The following TF variants were observed in gnomAD, a reference collection of about 807,000 sequenced individuals.
TF encodes the protein transferrin.
In TF, 55 loss-of-function variants were observed where a neutral mutation model predicts 82.4. The observed-to-expected ratio is 0.67, with a 90% CI of 0.54 to 0.84. TF has a LOEUF of 0.84. Ranked by LOEUF, TF falls within the 40% of genes least tolerant of loss-of-function variation. TF has a pLI of 0.00. For synonymous variants in TF, 332 were observed against 332.6 expected (o/e 1.00, Z 0.02); for missense variants, 737 against 868.4 (o/e 0.85, Z 1.90).
the TF span, among the ~76,000 whole-genome samples, chr3:133,729,587 A>C: frequency 6.6e-6 from 1 of 152,082 alleles, no homozygotes; most frequent in Non-Finnish European, 1.5e-5. Context: ...CAGGAAAGAG[A>C]ACTCCCTGAC....
chr3:133,674,491 G>A, the TF span, among the ~76,000 whole-genome samples: 2 of 152,222 alleles, frequency 1.3e-5, no homozygotes, highest in East Asian at 1.9e-4. Context: ...GAGTGGCGAG[G>A]GCTATCAGCC....
rs528157099 is a variant in TF at position 133,782,610 on chromosome 3, C to G, written c.*3990C>G. On this transcript the variant is annotated 3_prime_UTR_variant, in exon 17 of 17. Transcript: ENST00000402696. ...CTCAAATACAGGTATACAGAGATAA[C>G]AAAACCTGAGGTGGAGGAGGGTGGA... 6.6e-6 allele frequency: 1 copy of G among 152,042 alleles called. No individual in the cohort carries two copies. Among genetic ancestry groups the G allele is most frequent in the African/African-American group, 2.4e-5 (1 of 41,454 alleles). The allele number at this position is 152,042 out of a possible 1,614,324, so 9.4% of individuals were successfully genotyped here.
chr3:133,710,721 TCTC>T, the TF span, among the ~76,000 whole-genome samples: 1 of 152,112 alleles, frequency 6.6e-6, no homozygotes, highest in Non-Finnish European at 1.5e-5. Flanking sequence ...AGTTATTACT[TCTC>T]CTTCTGGTGT....
chr3:133,746,472 G>T lies in TF; in HGVS notation c.32G>T (p.Cys11Phe). MRLAVGALLV[C>F]AVLGLCLAVP... ...CTCGCCGTGGGAGCCCTGCTGGTCT[G>T]CGCCGTCCTGGGTGAGTGCGGGCAC... The change falls in exon 1 of 17, where the codon TGC becomes TTC. Residue 11 changes from cysteine (C) to phenylalanine (F), a missense_variant. By Grantham distance (205) the Cys-to-Phe change is radical (BLOSUM62 -2). Coordinates refer to ENST00000402696, the MANE Select transcript of TF (RefSeq NM_001063.4). 6.3e-7 allele frequency: 1 copy of T among 1,599,510 alleles called. No individual in the cohort carries two copies. The highest frequency in any genetic ancestry group is 8.5e-7 in the Non-Finnish European group (1 of 1,177,146).
chr3:133,745,652 A>G (rs8177184), upstream of TF, among the ~76,000 whole-genome samples: 25,602 of 152,166 alleles, frequency 0.17, 2,280 homozygotes, highest in East Asian at 0.29. Context: ...TGCTAAGATG[A>G]CACTTTGTTC....
At chr3:133,678,696 T>G in the TF span, among the ~76,000 whole-genome samples, 1 of 152,238 alleles carries the variant, frequency 6.6e-6, no homozygotes, top group South Asian at 2.1e-4. Flanking sequence ...TTGCCCACTT[T>G]TTGATGGGGT....
intron 9 of TF, chr3:133,760,300 A>G (rs935741055): frequency 1.3e-5 from 2 of 152,474 alleles, no homozygotes; most frequent in Admixed American, 1.3e-4. Flanking sequence ...TTGAGCACTT[A>G]TGAATAACCA....
At chr3:133,672,186 T>C in the TF span, among the ~76,000 whole-genome samples, 1 of 152,190 alleles carries the variant, frequency 6.6e-6, no homozygotes, top group South Asian at 2.1e-4. Context: ...AATCTGGATA[T>C]TTCTCTAGCT....
At chr3:133,761,438 T>C (rs1224328728) in intron 9 of TF, 1 of 152,108 alleles carries the variant, frequency 6.6e-6, no homozygotes, top group African/African-American at 2.4e-5. Context: ...GGTAGGAGGA[T>C]TGCTTGAGCC....
At chr3:133,732,554 T>C in the TF span, among the ~76,000 whole-genome samples, 1 of 152,216 alleles carries the variant, frequency 6.6e-6, no homozygotes, top group Admixed American at 6.5e-5. Context: ...GTTTTATTCT[T>C]TTGCTGTTTG....
At chr3:133,680,591 G>A in the TF span, among the ~76,000 whole-genome samples, 1 of 150,642 alleles carries the variant, frequency 6.6e-6, no homozygotes, top group African/African-American at 2.4e-5. Context: ...TCTAAAAAAG[G>A]CCTTATCTTG....
the TF span, among the ~76,000 whole-genome samples, chr3:133,725,792 T>C: frequency 2.0e-5 from 3 of 152,040 alleles, no homozygotes; most frequent in South Asian, 2.1e-4. Context: ...TGGCTGTGGG[T>C]TTGTCATAGA....
At chr3:133,702,799 T>G in the TF span, among the ~76,000 whole-genome samples, 1 of 152,164 alleles carries the variant, frequency 6.6e-6, no homozygotes, top group African/African-American at 2.4e-5. Flanking sequence ...TTTTGTTTTG[T>G]TTAACTTGAG....
At chr3:133,709,876 C>A in the TF span, among the ~76,000 whole-genome samples, 1 of 152,200 alleles carries the variant, frequency 6.6e-6, no homozygotes, top group East Asian at 1.9e-4. Flanking sequence ...TACCTTGGCC[C>A]AAAGGGCAGA....
the TF span, among the ~76,000 whole-genome samples, chr3:133,709,358 A>G: frequency 6.6e-6 from 1 of 152,190 alleles, no homozygotes; most frequent in Non-Finnish European, 1.5e-5. Context: ...GGAAATGGAG[A>G]ATACCAGCTC....
At chr3:133,754,093 C>A (rs1276438581) in intron 3 of TF, 1 of 419,742 alleles carries the variant, frequency 2.4e-6, no homozygotes, top group African/African-American at 2.0e-5. Flanking sequence ...AGCAGCCCTG[C>A]AAGTCTTCTG....
intron 2 of TF, among the ~76,000 whole-genome samples, chr3:133,752,729 C>T (rs1020992786): frequency 1.3e-4 from 20 of 152,202 alleles, no homozygotes; most frequent in African/African-American, 4.6e-4. Context: ...ATCCCAGCTC[C>T]ATGACTTACT....
the TF span, among the ~76,000 whole-genome samples, chr3:133,667,356 C>CAA: frequency 0.037 from 4,770 of 127,762 alleles, 166 homozygotes; most frequent in African/African-American, 0.07. Flanking sequence ...GACTCTGACT[C>CAA]AAAAAAAAAA....
chr3:133,687,837 C>T, the TF span, among the ~76,000 whole-genome samples: 2 of 152,314 alleles, frequency 1.3e-5, no homozygotes, highest in East Asian at 3.9e-4. Context: ...TCTGTTGATG[C>T]ACATTTGGGC....
Sources: gnomAD v4.1 joint callset for allele counts (sites outside exome capture counted in the v4.1 genomes callset) on GRCh38, gnomAD v4.1.1 for gene constraint, MANE v1.5 for transcripts, NCBI Gene and HGNC (gene_info 2026-07-23, HGNC 2026-07-21) for gene names.